Variants in LSAMP observed in about 807,000 individuals in gnomAD.
LSAMP encodes the protein limbic system-associated membrane protein.
Under a neutral mutation model 38.6 loss-of-function variants are expected in LSAMP, and 7 were observed. The observed-to-expected ratio is 0.18, with a 90% CI of 0.10 to 0.34. The LOEUF is 0.34. Ranked by LOEUF, LSAMP falls within the 10% of genes least tolerant of loss-of-function variation. LSAMP has a pLI of 1.00. For synonymous variants in LSAMP, 154 were observed against 166.8 expected, an observed-to-expected ratio of 0.92 and a Z score of 0.59; for missense variants, 313 against 420.0, an observed-to-expected ratio of 0.75 and a Z score of 2.23.
At chr3:115,991,992 C>T (rs1453090586) in intron 3 of LSAMP, among the ~76,000 whole-genome samples, 1 of 152,054 alleles carries the variant, frequency 6.6e-6, no homozygotes, top group Non-Finnish European at 1.5e-5. Context: ...TTTTTTCCCC[C>T]TCAATTATCC....
intron 1 of LSAMP, among the ~76,000 whole-genome samples, chr3:116,367,343 A>T (rs1374133984): frequency 6.6e-6 from 1 of 152,186 alleles, no homozygotes; most frequent in Admixed American, 6.5e-5. Flanking sequence ...CTAAGGCAGC[A>T]GAATATAAAT....
At chr3:116,026,872 A>T (rs1471815649) in intron 2 of LSAMP, among the ~76,000 whole-genome samples, 1 of 152,172 alleles carries the variant, frequency 6.6e-6, no homozygotes, top group African/African-American at 2.4e-5. Flanking sequence ...AGTTTTGAAA[A>T]GTGCTGGCAC....
At chr3:116,003,813 A>G (rs1940070394) in intron 3 of LSAMP, among the ~76,000 whole-genome samples, 1 of 152,174 alleles carries the variant, frequency 6.6e-6, no homozygotes, top group African/African-American at 2.4e-5. Context: ...AGCTAGAAGA[A>G]GTAAGGAAAG....
chr3:115,811,569 T>A (rs1577027701), intron 6 of LSAMP, among the ~76,000 whole-genome samples: 1 of 108,512 alleles, frequency 9.2e-6, no homozygotes, highest in Non-Finnish European at 2.3e-5. Flanking sequence ...TGTGAGTGTG[T>A]GTGTGTGTGT....
intron 1 of LSAMP, among the ~76,000 whole-genome samples, chr3:116,198,373 G>C (rs2045938632): frequency 6.6e-6 from 1 of 152,170 alleles, no homozygotes; most frequent in Admixed American, 6.5e-5. Context: ...AGTGAGTGAT[G>C]AAAGAGTTTA....
At chr3:115,914,019 C>G (rs1937191823) in intron 3 of LSAMP, among the ~76,000 whole-genome samples, 1 of 152,058 alleles carries the variant, frequency 6.6e-6, no homozygotes, top group Non-Finnish European at 1.5e-5. Flanking sequence ...GAAGGAAAGT[C>G]AAGATACAGA....
intron 1 of LSAMP, among the ~76,000 whole-genome samples, chr3:116,425,298 C>T (rs921937510): frequency 6.6e-6 from 1 of 152,156 alleles, no homozygotes; most frequent in African/African-American, 2.4e-5. Context: ...TATTGTCAAC[C>T]TTTACCTTTG....
chr3:116,429,599 G>A (rs372830308), intron 1 of LSAMP, among the ~76,000 whole-genome samples: 38 of 151,986 alleles, frequency 2.5e-4, no homozygotes, highest in East Asian at 1.3e-3. Context: ...GTCTACATAC[G>A]ACCACCGCCA....
chr3:115,839,481 C>G (rs1452140031), intron 6 of LSAMP, among the ~76,000 whole-genome samples: 2 of 152,086 alleles, frequency 1.3e-5, no homozygotes, highest in African/African-American at 2.4e-5. Context: ...CCTGCTACAA[C>G]AGAAGGAGAG....
rs1445324220 is a variant in LSAMP at position 116,069,659 on chromosome 3, A to G, written c.388+16665T>C. Among the ~76,000 whole-genome samples, 4 of 152,238 alleles carry G rather than the reference A, an allele frequency of 2.6e-5. No homozygotes were observed. The East Asian group carries it at 7.7e-4, about 29-fold the overall frequency. Reference sequence around the variant, plus strand: ...TTATCACTGACTGAAAAGAAGAGATAAATGGAATGGAGATGTTAGAAATAA... The same window carrying G: ...TTATCACTGACTGAAAAGAAGAGATGAATGGAATGGAGATGTTAGAAATAA... On this transcript the variant is annotated intron_variant, in intron 2 of 6. Coordinates refer to ENST00000490035, the MANE Select transcript of LSAMP (RefSeq NM_002338.5).
At chr3:116,023,122 A>ATGTATATATACATATATATG (rs1368732688) in intron 2 of LSAMP, among the ~76,000 whole-genome samples, 1 of 151,776 alleles carries the variant, frequency 6.6e-6, no homozygotes, top group Admixed American at 6.6e-5. Context: ...TATAAGCGTG[A>ATGTATATATACATATATATG]TGTATATATA....
chr3:115,857,732 C>T (rs372940573), intron 3 of LSAMP, among the ~76,000 whole-genome samples: 1 of 152,152 alleles, frequency 6.6e-6, no homozygotes, highest in Non-Finnish European at 1.5e-5. Flanking sequence ...GTGTATGCAC[C>T]TTTTAAACTC....
At chr3:116,001,995 T>A (rs1940009853) in intron 3 of LSAMP, among the ~76,000 whole-genome samples, 1 of 152,210 alleles carries the variant, frequency 6.6e-6, no homozygotes. Context: ...GAACTTTTCA[T>A]CACAATGTTA....
At chr3:115,906,966 A>T (rs1203931564) in intron 3 of LSAMP, among the ~76,000 whole-genome samples, 1 of 152,184 alleles carries the variant, frequency 6.6e-6, no homozygotes, top group Non-Finnish European at 1.5e-5. Flanking sequence ...GGTAAACAAC[A>T]ATCCTAATAA....
intron 1 of LSAMP, among the ~76,000 whole-genome samples, chr3:116,388,562 A>C (rs1223732497): frequency 6.6e-6 from 1 of 152,176 alleles, no homozygotes; most frequent in African/African-American, 2.4e-5. Flanking sequence ...GAGGAAGAAG[A>C]GGCAGATAGA....
In LSAMP at chr3:116,086,463, C is replaced by A. The variant is rs561123009; in HGVS notation, c.249G>T (p.Arg83=). Residue 83 remains arginine, a synonymous_variant, in exon 2 of 7, where the codon CGG becomes CGT. Transcript: ENST00000490035. ...AGHDKWSLDP[R]VELEKRHSLE... ...GAGAATGGCGTTTCTCCAGCTCAAC[C>A]CGTGGGTCCAGAGACCACTTGTCAT... 1.4e-5 allele frequency: 22 copies of A among 1,614,016 alleles called. No homozygotes were observed. The highest frequency in any genetic ancestry group is 1.8e-5 in the Non-Finnish European group (21 of 1,180,030).
intron 1 of LSAMP, among the ~76,000 whole-genome samples, chr3:116,259,688 T>C (rs957736104): frequency 6.6e-6 from 1 of 152,122 alleles, no homozygotes; most frequent in African/African-American, 2.4e-5. Context: ...TGGTATGCAA[T>C]CATTTCGTAA....
rs139468116 is a variant in LSAMP, at chr3:116,444,965, G to T, written c.67C>A (p.Leu23Ile). 1.8e-4 allele frequency: 292 copies of T among 1,614,102 alleles called. No homozygotes were observed. In the African/African-American group the frequency reaches 3.5e-3, roughly 19 times the overall value. The change falls in exon 1 of 7, where the codon CTT becomes ATT. Residue 23 changes from leucine (L) to isoleucine (I), a missense_variant. Transcript: ENST00000490035. ...PLVLLRLLCL[L>I]PTGLPVRSVD... Reference sequence around the variant, plus strand: ...CTGCGAACAGGCAGTCCTGTGGGAAGAAGGCAGAGCAATCTCAGTAGGACC... The same window carrying T: ...CTGCGAACAGGCAGTCCTGTGGGAATAAGGCAGAGCAATCTCAGTAGGACC...
At chr3:115,901,111 G>A (rs1426728049) in intron 3 of LSAMP, among the ~76,000 whole-genome samples, 1 of 152,010 alleles carries the variant, frequency 6.6e-6, no homozygotes, top group Non-Finnish European at 1.5e-5. Context: ...GCATGCTTAT[G>A]GATACATTCT....
Sources: allele counts gnomAD v4.1 joint callset (sites outside exome capture counted in the v4.1 genomes callset), GRCh38; gene constraint gnomAD v4.1.1; transcripts MANE v1.5; gene names NCBI Gene and HGNC (gene_info 2026-07-23, HGNC 2026-07-21).